The following CPXM2 variants were observed in gnomAD, a reference collection of about 807,000 sequenced individuals.
CPXM2 encodes carboxypeptidase X, M14 family member 2, also known as inactive carboxypeptidase-like protein X2.
Under a neutral mutation model 86.1 loss-of-function variants are expected in CPXM2, and 66 were observed. The ratio of observed to expected loss-of-function variants is 0.77; its 90% CI spans 0.63 to 0.94. The LOEUF (loss-of-function observed/expected upper bound fraction) is 0.94. Ranked by LOEUF, CPXM2 falls within the 40% of genes least tolerant of loss-of-function variation. CPXM2 has a pLI of 0.00. For synonymous variants in CPXM2, 388 were observed against 400.2 expected, an observed-to-expected ratio of 0.97 and a Z score of 0.36; for missense variants, 948 against 1,026.3, an observed-to-expected ratio of 0.92 and a Z score of 1.04.
chr10:123,801,594 T>A (rs1336304425), intron 4 of CPXM2, among the ~76,000 whole-genome samples: 1 of 152,242 alleles, frequency 6.6e-6, no homozygotes, highest in East Asian at 1.9e-4. Flanking sequence ...CCATCTATCT[T>A]GCAGGCAAGA....
chr10:123,781,083 T>C (rs1022940137), intron 6 of CPXM2, among the ~76,000 whole-genome samples: 8 of 152,122 alleles, frequency 5.3e-5, no homozygotes, highest in Non-Finnish European at 1.0e-4. Flanking sequence ...TAAGAACAAC[T>C]GAATCAACCA....
At chr10:123,809,733 A>G (rs560937283) in intron 4 of CPXM2, among the ~76,000 whole-genome samples, 7 of 142,424 alleles carry the variant, frequency 4.9e-5, no homozygotes, top group Non-Finnish European at 8.0e-5. Context: ...GTATTAACTT[A>G]TTAAAAATTA....
chr10:123,887,156 A>G (rs1945190359), intron 1 of CPXM2: 1 of 152,244 alleles, frequency 6.6e-6, no homozygotes, highest in Admixed American at 6.5e-5. Flanking sequence ...AGTACTCTTC[A>G]TCCACTGAAT....
chr10:123,887,875 A>G (rs887642550), intron 1 of CPXM2, among the ~76,000 whole-genome samples: 2 of 152,220 alleles, frequency 1.3e-5, no homozygotes, highest in Non-Finnish European at 2.9e-5. Flanking sequence ...GTGAGTTTAT[A>G]ATTATTTCAA....
chr10:123,934,348 T>C (rs935308763), intron 2 of CPXM2, among the ~76,000 whole-genome samples: 1 of 152,108 alleles, frequency 6.6e-6, no homozygotes, highest in Non-Finnish European at 1.5e-5. Context: ...GATCTGTCCC[T>C]GCCCCTCCCA....
upstream of CPXM2, among the ~76,000 whole-genome samples, chr10:123,940,772 C>T (rs1199329571): frequency 6.6e-6 from 1 of 152,180 alleles, no homozygotes; most frequent in South Asian, 2.1e-4. Context: ...CCCTCAAAGC[C>T]ACAGGACAAG....
chr10:123,808,519 GA>G (rs1485587265), intron 4 of CPXM2, among the ~76,000 whole-genome samples: 5 of 152,156 alleles, frequency 3.3e-5, no homozygotes, highest in Admixed American at 3.3e-4. Flanking sequence ...GAAAGCTAGG[GA>G]AGCTGAACTT....
chr10:123,898,136 T>C (rs2134258327), intron 2 of CPXM2, among the ~76,000 whole-genome samples: 2 of 152,336 alleles, frequency 1.3e-5, no homozygotes, highest in African/African-American at 2.4e-5. Context: ...CTTGGTAGGA[T>C]AGAGACTAAA....
At chr10:123,905,223 G>A (rs546388373) in intron 2 of CPXM2, among the ~76,000 whole-genome samples, 5 of 152,316 alleles carry the variant, frequency 3.3e-5, no homozygotes, top group Admixed American at 2.0e-4. Flanking sequence ...AATGAACCCC[G>A]CCACACAGCC....
chr10:123,834,671 G>T (rs1033400373), intron 4 of CPXM2, among the ~76,000 whole-genome samples: 7 of 152,214 alleles, frequency 4.6e-5, no homozygotes, highest in Non-Finnish European at 8.8e-5. Flanking sequence ...GCCCTTGTGG[G>T]TTGCTATAGT....
intron 6 of CPXM2, among the ~76,000 whole-genome samples, chr10:123,794,573 T>A (rs754562020): frequency 2.6e-5 from 4 of 152,196 alleles, no homozygotes; most frequent in Non-Finnish European, 5.9e-5. Flanking sequence ...ACTCGCTTTT[T>A]TTTATTGTTA....
intron 2 of CPXM2, among the ~76,000 whole-genome samples, chr10:123,910,671 C>A (rs1417209849): frequency 2.0e-5 from 3 of 152,224 alleles, no homozygotes; most frequent in Admixed American, 1.3e-4. Flanking sequence ...GGTGCTCACC[C>A]AACTGCACCT....
intron 13 of CPXM2, chr10:123,752,187 T>A (rs1377031548): frequency 1.5e-5 from 15 of 985,388 alleles, no homozygotes; most frequent in Non-Finnish European, 1.8e-5. Flanking sequence ...ACACTCTGCG[T>A]GGTCTCTGGC....
upstream of CPXM2, among the ~76,000 whole-genome samples, chr10:123,893,038 A>C (rs1945299660): frequency 6.6e-6 from 1 of 152,206 alleles, no homozygotes; most frequent in South Asian, 2.1e-4. Context: ...CCACCCAAAA[A>C]ATTCAGTATA....
intron 2 of CPXM2, among the ~76,000 whole-genome samples, chr10:123,937,465 AAAACAACACAC>A (rs1373868203): frequency 0.02 from 2,812 of 139,876 alleles, 64 homozygotes; most frequent in East Asian, 0.085. Context: ...ACAAGACAAC[AAAACAACACAC>A]ACACACACAC....
chr10:123,791,766 C>G (rs531295834), intron 6 of CPXM2, among the ~76,000 whole-genome samples: 8 of 152,184 alleles, frequency 5.3e-5, no homozygotes, highest in Non-Finnish European at 8.8e-5. Context: ...CTACAAGGAC[C>G]CTGTTTCTAA....
chr10:123,749,979 T>G (rs1005510626), intron 13 of CPXM2: 2 of 83,620 alleles, frequency 2.4e-5, no homozygotes, highest in Non-Finnish European at 3.1e-5. Flanking sequence ...CTAATTTTTG[T>G]TTTTTTTTTT....
At position 123,904,197 on chromosome 10, in the gene CPXM2, T is replaced by A. The variant is rs574778379; in HGVS notation, n.175-23888A>T. ...CCTCGGAGACCCCTTTCTGGAAAATTCTGTCTCAATCAGGACTAACTCTTC... is the reference window on the plus strand; with the variant it reads ...CCTCGGAGACCCCTTTCTGGAAAATACTGTCTCAATCAGGACTAACTCTTC... On this transcript the variant is annotated intron_variant and non_coding_transcript_variant, in intron 2 of 19. Coordinates refer to the CPXM2 transcript ENST00000368854. Among the ~76,000 whole-genome samples the A allele has an allele frequency of 2.6e-5, 4 of 152,338 alleles. No individual in the cohort carries two copies. In the East Asian group the frequency reaches 7.7e-4, roughly 29 times the overall value.
Position 123,852,464 on chromosome 10 carries a change from G to C in CPXM2, c.514-9976C>G, listed in dbSNP as rs549987126. 2.6e-5 allele frequency among the ~76,000 whole-genome samples: 4 copies of C among 152,168 alleles called. No homozygotes were observed. In the South Asian group the frequency reaches 8.3e-4, roughly 32 times the overall value. ...CAAGCCAGTACCATCTCCTGTCTAG[G>C]GCCTGAAGTCACCGCCCTTGACAGG... On this transcript the variant is annotated intron_variant, in intron 3 of 13. Transcript: ENST00000241305.
Sources: gnomAD v4.1 joint callset for allele counts (sites outside exome capture counted in the v4.1 genomes callset) on GRCh38, gnomAD v4.1.1 for gene constraint, MANE v1.5 for transcripts, NCBI Gene and HGNC (gene_info 2026-07-23, HGNC 2026-07-21) for gene names.